WDFY4: variants seen among roughly 807,000 people sequenced by gnomAD.
WDFY4 encodes the protein WDFY family member 4.
WDFY4 carries 169 observed loss-of-function variants against 351.9 expected under a neutral mutation model. The ratio of observed to expected loss-of-function variants is 0.48; its 90% CI spans 0.42 to 0.55. The LOEUF (loss-of-function observed/expected upper bound fraction) is 0.55. Among genes scored for constraint, WDFY4 ranks in the 20% least tolerant of loss-of-function variants. WDFY4 has a pLI of 0.00. For missense variants in WDFY4, 3,803 were observed against 3,935.6 expected (o/e 0.97, Z 0.90); for synonymous variants, 1,622 against 1,574.6 (o/e 1.03, Z -0.71).
At chr10:48,929,091 G>T (rs1034841166) in intron 47 of WDFY4, among the ~76,000 whole-genome samples, 2 of 152,154 alleles carry the variant, frequency 1.3e-5, no homozygotes, top group African/African-American at 2.4e-5. Context: ...GAGGCCAGGA[G>T]GGCCATCTTT....
intron 60 of WDFY4, 54 bp from the exon 61 acceptor site, chr10:48,981,313 G>A: frequency 2.1e-6 from 3 of 1,460,308 alleles, no homozygotes; most frequent in Non-Finnish European, 2.8e-6. Context: ...GATGCACACT[G>A]TATGTGCGAA....
chr10:48,901,679 C>A (rs2133414714), intron 46 of WDFY4, 122 bp from the exon 47 acceptor site: 4 of 1,052,712 alleles, frequency 3.8e-6, no homozygotes, highest in African/African-American at 1.6e-5. Context: ...GACCTGGGGG[C>A]AGGATGGAGC....
At position 48,975,058 on chromosome 10, in the gene WDFY4, T is replaced by G. The variant is rs535145744; in HGVS notation, c.9108+17T>G. The G allele has an allele frequency of 2.6e-6, 4 of 1,551,712 alleles. No homozygotes were observed. In the East Asian group the frequency reaches 9.8e-5, roughly 38 times the overall value. ...GACGTCTCAGTAAGTCTCCTGTTTC[T>G]CAGTGTCCGTGTCCTCACCTTCGCA... On this transcript the variant is annotated intron_variant, in intron 58 of 61. Transcript: ENST00000325239.
chr10:48,730,157 G>A (rs769616188), intron 8 of WDFY4, among the ~76,000 whole-genome samples: 2 of 152,230 alleles, frequency 1.3e-5, no homozygotes, highest in Non-Finnish European at 2.9e-5. Flanking sequence ...AGGGCCTGCC[G>A]GAGGGAGTTT....
At chr10:48,966,474 C>T (rs1564535546) in intron 54 of WDFY4, 52 bp from the exon 55 acceptor site, 1 of 1,523,666 alleles carries the variant, frequency 6.6e-7, no homozygotes, top group Non-Finnish European at 8.9e-7. Context: ...CAGGGACGAC[C>T]CCTCCTCTGG....
At chr10:48,906,750 G>T (rs955265626) in intron 47 of WDFY4, among the ~76,000 whole-genome samples, 1 of 152,206 alleles carries the variant, frequency 6.6e-6, no homozygotes, top group Non-Finnish European at 1.5e-5. Flanking sequence ...GCTACAGACA[G>T]CTTCAAAATT....
chr10:48,754,230 GT>G (rs151074838), intron 12 of WDFY4, among the ~76,000 whole-genome samples: 6,158 of 140,948 alleles, frequency 0.044, 253 homozygotes, highest in African/African-American at 0.12. Context: ...ATATTGGTAG[GT>G]TTTTTTTTTT....
chr10:48,873,846 T>C (rs1214337827), intron 41 of WDFY4, 149 bp downstream of exon 41: 1 of 863,982 alleles, frequency 1.2e-6, no homozygotes, highest in Non-Finnish European at 1.8e-6. Flanking sequence ...TTATTCTCAA[T>C]GCCATTTAAG....
intron 51 of WDFY4, among the ~76,000 whole-genome samples, chr10:48,954,832 CT>C (rs1841507865): frequency 6.6e-6 from 1 of 152,070 alleles, no homozygotes. Flanking sequence ...TTATTGCTTC[CT>C]TTATAAATAA....
chr10:48,750,189 C>G (rs1188801249), intron 12 of WDFY4, among the ~76,000 whole-genome samples: 2 of 152,208 alleles, frequency 1.3e-5, no homozygotes, highest in Non-Finnish European at 2.9e-5. Flanking sequence ...AATTGTTGTG[C>G]CAGACCATTG....
intron 12 of WDFY4, among the ~76,000 whole-genome samples, chr10:48,744,842 C>T (rs1440046553): frequency 6.6e-6 from 1 of 152,228 alleles, no homozygotes; most frequent in African/African-American, 2.4e-5. Context: ...GGGCATCCGA[C>T]TGCTCACGAT....
chr10:48,787,980 T>TCTTCTTCTTCTTCTTCTTCTC (rs2066540212), intron 20 of WDFY4, among the ~76,000 whole-genome samples: 1 of 52,936 alleles, frequency 1.9e-5, no homozygotes, highest in Non-Finnish European at 3.9e-5. Context: ...TTCTTCTTCT[T>TCTTCTTCTTCTTCTTCTTCTC]CTTCTCCTTC....
chr10:48,966,911 T>A, intron 55 of WDFY4: 1 of 552,932 alleles, frequency 1.8e-6, no homozygotes, highest in South Asian at 2.5e-5. Context: ...TTTCTGTCTG[T>A]CTCTCTCACA....
intron 2 of WDFY4, among the ~76,000 whole-genome samples, chr10:48,714,574 GTTC>G (rs2063849695): frequency 6.6e-6 from 1 of 152,216 alleles, no homozygotes; most frequent in Non-Finnish European, 1.5e-5. Context: ...GGAAGAAGGT[GTTC>G]TTCTAGCAAT....
At chr10:48,686,068 G>A (rs982250023) in intron 1 of WDFY4, among the ~76,000 whole-genome samples, 13 of 152,130 alleles carry the variant, frequency 8.5e-5, no homozygotes, top group Admixed American at 5.9e-4. Flanking sequence ...GGGCATGCCT[G>A]GGGTTCTGGC....
intron 28 of WDFY4, among the ~76,000 whole-genome samples, chr10:48,809,125 C>A (rs1204622632): frequency 1.3e-5 from 2 of 152,116 alleles, no homozygotes; most frequent in Non-Finnish European, 2.9e-5. Flanking sequence ...TTATGGCCAT[C>A]TCTTTCATCA....
chr10:48,969,847 C>T (rs1202033055), intron 56 of WDFY4, among the ~76,000 whole-genome samples: 1 of 152,176 alleles, frequency 6.6e-6, no homozygotes, highest in Non-Finnish European at 1.5e-5. Context: ...GGAACTCAGC[C>T]CCACATGTCC....
In WDFY4 at chr10:48,735,897, G is replaced by T; in HGVS notation, c.1705G>T (p.Gly569Cys). 1.3e-6 allele frequency: 2 copies of T among 1,551,584 alleles called. No individual in the cohort carries two copies. The highest frequency in any genetic ancestry group is 1.7e-6 in the Non-Finnish European group (2 of 1,146,974). Reference protein sequence around the residue: ...VRNAVVLKDHGMVPFIKIFLD... With the variant: ...VRNAVVLKDHCMVPFIKIFLD... ...ATCCTTAGTTGTCCTGAAGGACCAC[G>T]GCATGGTGCCCTTCATCAAGATCTT... is the stretch of plus-strand genomic sequence containing the variant. Residue 569 changes from glycine (G) to cysteine (C), a missense_variant, in exon 11 of 62, where the codon GGC becomes TGC. This residue lies in a region of WDFY4 where 261 missense variants were observed against 330.2 expected (regional missense o/e 0.79). Coordinates refer to ENST00000325239, the MANE Select transcript of WDFY4 (RefSeq NM_001394531.1).
chr10:48,785,134 A>G (rs1311963600), intron 19 of WDFY4, among the ~76,000 whole-genome samples: 1 of 152,142 alleles, frequency 6.6e-6, no homozygotes, highest in South Asian at 2.1e-4. Context: ...TGCTGGGATT[A>G]CAGACGTGAG....
Sources: allele counts gnomAD v4.1 joint callset (sites outside exome capture counted in the v4.1 genomes callset), GRCh38; gene constraint gnomAD v4.1.1; regional missense constraint gnomAD v4.1.1; transcripts MANE v1.5; gene names NCBI Gene and HGNC (gene_info 2026-07-23, HGNC 2026-07-21).